The following KCNIP4 variants were observed in gnomAD, a reference collection of about 807,000 sequenced individuals.
The protein encoded by KCNIP4 is Kv channel-interacting protein 4.
Under a neutral mutation model 34.0 loss-of-function variants are expected in KCNIP4, and 12 were observed. That is an observed-to-expected ratio of 0.35 (90% CI 0.23 to 0.57). The LOEUF (loss-of-function observed/expected upper bound fraction) is 0.57, where lower values mean the gene tolerates loss of function less well. Among genes scored for constraint, KCNIP4 ranks in the 20% least tolerant of loss-of-function variants. The pLI is 0.83. For synonymous variants in KCNIP4, 124 were observed against 102.2 expected (o/e 1.21, Z -1.29); for missense variants, 238 against 311.7 (o/e 0.76, Z 1.78).
chr4:21,337,877 A>G (rs906976550), intron 1 of KCNIP4, among the ~76,000 whole-genome samples: 1 of 152,170 alleles, frequency 6.6e-6, no homozygotes, highest in African/African-American at 2.4e-5. Context: ...GCGTTTGGCT[A>G]CATGTAATAA....
At chr4:21,586,298 A>C (rs986248834) in intron 1 of KCNIP4, among the ~76,000 whole-genome samples, 1 of 152,100 alleles carries the variant, frequency 6.6e-6, no homozygotes, top group African/African-American at 2.4e-5. Flanking sequence ...TCGTAGATTT[A>C]ATTTATCTCT....
chr4:21,005,387 A>T (rs1382737574), intron 1 of KCNIP4, among the ~76,000 whole-genome samples: 4 of 152,220 alleles, frequency 2.6e-5, no homozygotes, highest in African/African-American at 9.6e-5. Context: ...GATAAAACTA[A>T]CAAGTAATCA....
chr4:21,837,213 G>A (rs1366504391), intron 1 of KCNIP4, among the ~76,000 whole-genome samples: 3 of 150,714 alleles, frequency 2.0e-5, no homozygotes, highest in East Asian at 4.0e-4. Flanking sequence ...CCCCGCGATC[G>A]GCCAAGCTGG....
intron 1 of KCNIP4, among the ~76,000 whole-genome samples, chr4:20,968,933 T>A (rs1397664866): frequency 6.6e-6 from 1 of 151,962 alleles, no homozygotes; most frequent in Non-Finnish European, 1.5e-5. Flanking sequence ...TAATAAAAAA[T>A]AAAAATAAAA....
At chr4:21,279,232 C>G (rs534202184) in intron 1 of KCNIP4, among the ~76,000 whole-genome samples, 31 of 152,204 alleles carry the variant, frequency 2.0e-4, no homozygotes, top group African/African-American at 7.2e-4. Flanking sequence ...AAGGAAATTG[C>G]ATCTATGAAG....
intron 3 of KCNIP4, among the ~76,000 whole-genome samples, chr4:20,782,928 A>T (rs1041164985): frequency 1.3e-5 from 2 of 152,176 alleles, no homozygotes; most frequent in African/African-American, 2.4e-5. Context: ...GAATGCTTTT[A>T]ACAGCACCCA....
At chr4:21,285,482 T>C (rs1578020389) in intron 1 of KCNIP4, among the ~76,000 whole-genome samples, 1 of 152,182 alleles carries the variant, frequency 6.6e-6, no homozygotes, top group East Asian at 1.9e-4. Context: ...TAGGAAGCAG[T>C]TGATGAGCCA....
chr4:21,446,929 G>C (rs905798282), intron 1 of KCNIP4, among the ~76,000 whole-genome samples: 2 of 151,498 alleles, frequency 1.3e-5, no homozygotes, highest in Non-Finnish European at 2.9e-5. Flanking sequence ...AATCACTTTA[G>C]TTGAAGGACA....
intron 1 of KCNIP4, among the ~76,000 whole-genome samples, chr4:21,324,450 C>A (rs1224803118): frequency 6.6e-6 from 1 of 151,816 alleles, no homozygotes; most frequent in Non-Finnish European, 1.5e-5. Flanking sequence ...AGGTCTAGTT[C>A]CATTCTTCTG....
At chr4:21,463,421 C>T (rs1425089474) in intron 1 of KCNIP4, among the ~76,000 whole-genome samples, 2 of 152,088 alleles carry the variant, frequency 1.3e-5, no homozygotes, top group East Asian at 3.9e-4. Context: ...CTTCATACCT[C>T]ATCCCTGGGC....
At chr4:21,304,739 G>A (rs764862742) in intron 1 of KCNIP4, 1 of 152,194 alleles carries the variant, frequency 6.6e-6, no homozygotes, top group Non-Finnish European at 1.5e-5. Flanking sequence ...CTCAGTCACT[G>A]AGCACTAATA....
At chr4:20,813,446 T>G (rs2149435985) in intron 3 of KCNIP4, among the ~76,000 whole-genome samples, 1 of 152,276 alleles carries the variant, frequency 6.6e-6, no homozygotes, top group South Asian at 2.1e-4. Flanking sequence ...TAGGATTGGA[T>G]AGTGCTTGGA....
intron 1 of KCNIP4, among the ~76,000 whole-genome samples, chr4:21,049,086 G>A (rs973775234): frequency 6.6e-6 from 1 of 150,952 alleles, no homozygotes; most frequent in Admixed American, 6.6e-5. Context: ...GAGTAGCTGG[G>A]ACTACAGGCG....
rs1211179686 is a variant in KCNIP4 at position 20,729,283 on chromosome 4, T to TTGTTTGATGCCTTC, written c.*785_*798dup. 1 of 152,004 alleles carries TTGTTTGATGCCTTC rather than the reference T, an allele frequency of 6.6e-6. No homozygotes were observed. Among genetic ancestry groups the TTGTTTGATGCCTTC allele is most frequent in the Non-Finnish European group, 1.5e-5 (1 of 68,016 alleles). 9.4% of individuals were successfully genotyped at this position (152,004 alleles called of 1,614,324 possible). ...GCATATGTCTGTAAACATCCTTGTT[T>TTGTTTGATGCCTTC]TGTTTGATGCCTTCTTCAACTTCCA... On this transcript the variant is annotated 3_prime_UTR_variant, in exon 9 of 9. Transcript: ENST00000382152.
intron 1 of KCNIP4, among the ~76,000 whole-genome samples, chr4:21,155,486 C>T (rs764706059): frequency 2.0e-5 from 3 of 152,040 alleles, no homozygotes; most frequent in Non-Finnish European, 4.4e-5. Flanking sequence ...AATATTATTC[C>T]ATTGATATGT....
intron 2 of KCNIP4, among the ~76,000 whole-genome samples, chr4:20,862,377 C>A (rs1171207746): frequency 6.6e-6 from 1 of 151,966 alleles, no homozygotes; most frequent in South Asian, 2.1e-4. Flanking sequence ...TATGCTCAGA[C>A]AGAAAATCTA....
chr4:20,839,597 G>A (rs917203780), intron 3 of KCNIP4, among the ~76,000 whole-genome samples: 4 of 151,404 alleles, frequency 2.6e-5, no homozygotes, highest in Non-Finnish European at 5.9e-5. Context: ...GAAACTTTAA[G>A]AAAGAACTTC....
At chr4:21,059,906 TAAA>T (rs1560685610) in intron 1 of KCNIP4, among the ~76,000 whole-genome samples, 1 of 152,002 alleles carries the variant, frequency 6.6e-6, no homozygotes, top group Admixed American at 6.6e-5. Flanking sequence ...GCCCTTGTCT[TAAA>T]AAAAGAAAAA....
chr4:20,795,834 G>A (rs1470656184), intron 3 of KCNIP4, among the ~76,000 whole-genome samples: 1 of 152,114 alleles, frequency 6.6e-6, no homozygotes, highest in Non-Finnish European at 1.5e-5. Flanking sequence ...TCAGAGTTTA[G>A]TATTTCCACT....
Sources: gnomAD v4.1 joint callset for allele counts (sites outside exome capture counted in the v4.1 genomes callset) on GRCh38, gnomAD v4.1.1 for gene constraint, MANE v1.5 for transcripts, NCBI Gene and HGNC (gene_info 2026-07-23, HGNC 2026-07-21) for gene names.